LRP1B: variants seen among roughly 807,000 people sequenced by gnomAD.
LRP1B encodes the protein LDL receptor related protein 1B.
In LRP1B, 217 loss-of-function variants were observed where a neutral mutation model predicts 556.6. The ratio of observed to expected loss-of-function variants is 0.39; its 90% confidence interval spans 0.35 to 0.44. The LOEUF (loss-of-function observed/expected upper bound fraction) is 0.44. LRP1B is among the 20% of genes least tolerant of loss of function. The pLI is 1.00. For synonymous variants in LRP1B, 2,047 were observed against 1,865.8 expected (o/e 1.10, Z -2.50); for missense variants, 5,053 against 5,620.8 (o/e 0.90, Z 3.23).
intron 1 of LRP1B, among the ~76,000 whole-genome samples, chr2:141,851,281 T>C (rs1697846848): frequency 6.6e-6 from 1 of 151,862 alleles, no homozygotes; most frequent in African/African-American, 2.4e-5. Context: ...TGAAGCAATA[T>C]TGTTCCATTA....
chr2:140,990,558 CT>C (rs1173378622), intron 16 of LRP1B, among the ~76,000 whole-genome samples: 3 of 119,578 alleles, frequency 2.5e-5, no homozygotes, highest in African/African-American at 1.1e-4. Context: ...TTCTGTATTA[CT>C]TAAAAAAAAA....
intron 83 of LRP1B, 47 bp from the exon 84 acceptor site, chr2:140,298,016 A>C (rs771850996): frequency 1.3e-6 from 2 of 1,518,334 alleles, no homozygotes; most frequent in African/African-American, 2.8e-5. Context: ...CAACCAAAAT[A>C]GTTTATTTTC....
At chr2:141,600,903 A>T (rs1005072984) in intron 2 of LRP1B, among the ~76,000 whole-genome samples, 3 of 152,208 alleles carry the variant, frequency 2.0e-5, no homozygotes, top group African/African-American at 7.2e-5. Flanking sequence ...ACCTGGGGTC[A>T]GCTGCTGGCA....
At chr2:141,176,800 G>C (rs2105160025) in intron 7 of LRP1B, among the ~76,000 whole-genome samples, 1 of 152,092 alleles carries the variant, frequency 6.6e-6, no homozygotes, top group East Asian at 1.9e-4. Context: ...AGAGGATTTT[G>C]AAAAAGATGA....
intron 52 of LRP1B, among the ~76,000 whole-genome samples, chr2:140,507,800 A>G (rs1174095029): frequency 6.6e-6 from 1 of 152,192 alleles, no homozygotes; most frequent in Admixed American, 6.5e-5. Context: ...ATGCTATTGT[A>G]GAATGCTGGA....
intron 2 of LRP1B, among the ~76,000 whole-genome samples, chr2:141,743,486 C>CTTTTTTTTTTTTTCTTTTTTTTTTTT (rs1693787238): frequency 3.7e-5 from 4 of 108,032 alleles, no homozygotes; most frequent in East Asian, 2.8e-4. Context: ...CTGCTTTTTT[C>CTTTTTTTTTTTTTCTTTTTTTTTTTT]TTTTTTTTTT....
At chr2:141,361,863 C>G (rs1432040302) in intron 3 of LRP1B, among the ~76,000 whole-genome samples, 1 of 152,156 alleles carries the variant, frequency 6.6e-6, no homozygotes, top group East Asian at 1.9e-4. Flanking sequence ...CTGCATTGTT[C>G]ATTTGTCACT....
chr2:140,802,289 T>C (rs931515998), intron 32 of LRP1B, among the ~76,000 whole-genome samples: 1 of 152,160 alleles, frequency 6.6e-6, no homozygotes, highest in African/African-American at 2.4e-5. Flanking sequence ...ATGATAAATA[T>C]CTTACAAAGC....
At chr2:142,073,434 CATTT>C (rs1705394194) in intron 1 of LRP1B, among the ~76,000 whole-genome samples, 1 of 152,130 alleles carries the variant, frequency 6.6e-6, no homozygotes, top group Non-Finnish European at 1.5e-5. Flanking sequence ...TAATTGTTCA[CATTT>C]ATTAGTTCAA....
chr2:141,947,039 C>T (rs969766437), intron 1 of LRP1B, among the ~76,000 whole-genome samples: 3 of 151,874 alleles, frequency 2.0e-5, no homozygotes, highest in Non-Finnish European at 2.9e-5. Flanking sequence ...GTGTGAGTGA[C>T]GCAAAGTAAG....
At chr2:140,960,305 G>A (rs376672761) in intron 18 of LRP1B, among the ~76,000 whole-genome samples, 46 of 151,896 alleles carry the variant, frequency 3.0e-4, no homozygotes, top group African/African-American at 9.6e-4. Flanking sequence ...ACTGGATCAA[G>A]ATACGATTAT....
intron 7 of LRP1B, among the ~76,000 whole-genome samples, chr2:141,162,973 A>C (rs1431807563): frequency 6.6e-6 from 1 of 152,088 alleles, no homozygotes; most frequent in Non-Finnish European, 1.5e-5. Flanking sequence ...TTAATCTATC[A>C]AGGCACTTCT....
chr2:142,084,625 A>G (rs1396939798), intron 1 of LRP1B, among the ~76,000 whole-genome samples: 1 of 152,086 alleles, frequency 6.6e-6, no homozygotes, highest in Non-Finnish European at 1.5e-5. Flanking sequence ...TATTCCTTCG[A>G]CCTGAACTCC....
chr2:141,493,849 T>G (rs1225602798), intron 2 of LRP1B, among the ~76,000 whole-genome samples: 1 of 152,218 alleles, frequency 6.6e-6, no homozygotes, highest in Non-Finnish European at 1.5e-5. Flanking sequence ...TGATCTCACA[T>G]GCTTTGCCTT....
intron 35 of LRP1B, among the ~76,000 whole-genome samples, chr2:140,717,594 G>C (rs75990526): frequency 6.6e-6 from 1 of 152,038 alleles, no homozygotes; most frequent in East Asian, 1.9e-4. Flanking sequence ...GTAATTACAG[G>C]CCAATGATTT....
chr2:141,547,180 T>C (rs1340360628), intron 2 of LRP1B, among the ~76,000 whole-genome samples: 1 of 152,154 alleles, frequency 6.6e-6, no homozygotes, highest in Non-Finnish European at 1.5e-5. Context: ...TAATTAGTAG[T>C]CTCATTTTCC....
At chr2:141,467,077 TAC>T (rs1336493003) in intron 3 of LRP1B, among the ~76,000 whole-genome samples, 1 of 142,452 alleles carries the variant, frequency 7.0e-6, no homozygotes. Context: ...GATATATATA[TAC>T]ACACACACAC....
chr2:142,009,527 T>C (rs548814170), intron 1 of LRP1B, among the ~76,000 whole-genome samples: 6 of 152,154 alleles, frequency 3.9e-5, no homozygotes, highest in Non-Finnish European at 8.8e-5. Flanking sequence ...ACGTGTTGTA[T>C]GGGATCCTCT....
rs1574274732 is a variant in LRP1B at position 140,716,122 on chromosome 2, T to C, written c.5894-20A>G. ...TGTTACCTAGGAGAAATAATAGAGG[T>C]GTTTATAATACAGTTTTGAGAAAAA... On this transcript the variant is annotated intron_variant, in intron 36 of 90. Coordinates refer to ENST00000389484, the MANE Select transcript of LRP1B (RefSeq NM_018557.3). 1.3e-6 allele frequency: 2 copies of C among 1,543,742 alleles called. No homozygotes were observed. Among genetic ancestry groups the C allele is most frequent in the Non-Finnish European group, 1.8e-6 (2 of 1,133,562 alleles).
Sources: allele counts gnomAD v4.1 joint callset (sites outside exome capture counted in the v4.1 genomes callset), GRCh38; gene constraint gnomAD v4.1.1; transcripts MANE v1.5; gene names NCBI Gene and HGNC (gene_info 2026-07-23, HGNC 2026-07-21).